TP63: variants seen among roughly 807,000 people sequenced by gnomAD.
The protein encoded by TP63 is tumor protein p63.
A neutral mutation model predicts 82.8 loss-of-function variants in TP63; 17 were observed. That is an observed-to-expected ratio of 0.21 (90% CI 0.14 to 0.31). The LOEUF is 0.31. Ranked by LOEUF, TP63 falls within the 10% of genes least tolerant of loss-of-function variation. TP63 has a pLI of 1.00. For missense variants in TP63, 648 were observed against 895.3 expected (o/e 0.72, Z 3.52); for synonymous variants, 330 against 321.7 (o/e 1.03, Z -0.28).
intron 1 of TP63, among the ~76,000 whole-genome samples, chr3:189,632,143 A>G (rs1389622328): frequency 1.3e-5 from 2 of 152,152 alleles, no homozygotes; most frequent in Non-Finnish European, 2.9e-5. Flanking sequence ...AAGAGAGAAT[A>G]TTAGTGAGGG....
intron 3 of TP63, among the ~76,000 whole-genome samples, chr3:189,797,442 C>G (rs1158468229): frequency 1.3e-5 from 2 of 152,068 alleles, no homozygotes; most frequent in Non-Finnish European, 2.9e-5. Flanking sequence ...ATTTCCCACC[C>G]AGCCAGTGAT....
intron 1 of TP63, among the ~76,000 whole-genome samples, chr3:189,634,201 T>C (rs558061440): frequency 1.2e-4 from 18 of 152,230 alleles, no homozygotes; most frequent in Middle Eastern, 3.4e-3. Flanking sequence ...AATCATTCCA[T>C]AATCATAGTC....
At chr3:189,799,756 TTGTC>T (rs1726087347) in intron 3 of TP63, among the ~76,000 whole-genome samples, 1 of 152,144 alleles carries the variant, frequency 6.6e-6, no homozygotes, top group Non-Finnish European at 1.5e-5. Flanking sequence ...ACTATAACAT[TTGTC>T]TGACAGTAGC....
chr3:189,682,549 AAAAAATATATATAT>A (rs58192413), intron 1 of TP63, among the ~76,000 whole-genome samples: 32 of 30,324 alleles, frequency 1.1e-3, no homozygotes, highest in Middle Eastern at 0.011. Context: ...AAAAAAAAAA[AAAAAATATATATAT>A]ATATATATAT....
intron 4 of TP63, among the ~76,000 whole-genome samples, chr3:189,851,445 G>A (rs574708601): frequency 6.6e-6 from 1 of 152,172 alleles, no homozygotes; most frequent in African/African-American, 2.4e-5. Context: ...CGTAGTGGTG[G>A]GCGCCTGTAA....
chr3:189,896,192 A>G lies in TP63; in HGVS notation c.*1690A>G. On this transcript the variant is annotated 3_prime_UTR_variant, in exon 14 of 14. Transcript: ENST00000264731. ...AGCTTCCATTTTAATTTTAAAGTGC[A>G]AAAGGGCCAGCGTGGCTCTAAAAGG... 4.5e-6 allele frequency: 1 copy of G among 220,224 alleles called. No homozygotes were observed. 13.6% of individuals were successfully genotyped at this position (220,224 alleles called of 1,614,324 possible). A position where few individuals can be genotyped will look rare whatever the true frequency, so the allele number is the denominator to read the frequency against.
At chr3:189,691,385 G>A (rs1242909926) in intron 1 of TP63, among the ~76,000 whole-genome samples, 5 of 148,934 alleles carry the variant, frequency 3.4e-5, no homozygotes, top group African/African-American at 9.8e-5. Context: ...AAAGAAGAAA[G>A]GTAATTGACT....
chr3:189,703,441 T>TAGATAGATAGATAG (rs1304869722), intron 1 of TP63, among the ~76,000 whole-genome samples: 2 of 151,586 alleles, frequency 1.3e-5, no homozygotes, highest in African/African-American at 4.9e-5. Context: ...GATAGATAGA[T>TAGATAGATAGATAG]AGATAGATAG....
At chr3:189,704,566 G>A (rs4450788) in intron 1 of TP63, among the ~76,000 whole-genome samples, 111,897 of 152,114 alleles carry the variant, frequency 0.74, 41,862 homozygotes, top group African/African-American at 0.88. Flanking sequence ...TATGAGAGCA[G>A]TTACTGTGCT....
chr3:189,603,653 A>T, the TP63 span, among the ~76,000 whole-genome samples: 18 of 36,198 alleles, frequency 5.0e-4, no homozygotes, highest in Non-Finnish European at 1.4e-3. Context: ...CCTTCATTAA[A>T]AAAAAAAAAA....
At chr3:189,741,087 C>T (rs1344632802) in intron 3 of TP63, among the ~76,000 whole-genome samples, 1 of 151,632 alleles carries the variant, frequency 6.6e-6, no homozygotes, top group Non-Finnish European at 1.5e-5. Flanking sequence ...GAGGTTTTGC[C>T]AGTGAGGTAA....
At chr3:189,613,932 G>GAAGT in the TP63 span, among the ~76,000 whole-genome samples, 1 of 152,306 alleles carries the variant, frequency 6.6e-6, no homozygotes, top group African/African-American at 2.4e-5. Flanking sequence ...TTGCATCTAG[G>GAAGT]AAGTAACTAG....
intron 3 of TP63, among the ~76,000 whole-genome samples, chr3:189,787,851 T>C (rs1211269887): frequency 6.6e-6 from 1 of 151,336 alleles, no homozygotes; most frequent in East Asian, 1.9e-4. Context: ...AATCCAGTTG[T>C]TGGGGCTGTA....
At chr3:189,880,421 G>T in intron 10 of TP63, 1 of 1,102,780 alleles carries the variant, frequency 9.1e-7, no homozygotes, top group Non-Finnish European at 1.1e-6. Context: ...GGCCATTGGT[G>T]GGTGAGGAAC....
intron 4 of TP63, among the ~76,000 whole-genome samples, chr3:189,843,729 C>G: frequency 6.6e-6 from 1 of 152,138 alleles, no homozygotes; most frequent in East Asian, 1.9e-4. Flanking sequence ...TGGAATGCCT[C>G]ATTTGTGAAT....
the TP63 span, among the ~76,000 whole-genome samples, chr3:189,615,588 A>C: frequency 6.6e-6 from 1 of 152,180 alleles, no homozygotes; most frequent in Non-Finnish European, 1.5e-5. Context: ...TGTGTGATAC[A>C]AAATGTTCAT....
At chr3:189,729,611 A>G (rs749336695) in intron 1 of TP63, among the ~76,000 whole-genome samples, 1 of 152,204 alleles carries the variant, frequency 6.6e-6, no homozygotes, top group Non-Finnish European at 1.5e-5. Context: ...CAATGCTCTA[A>G]ATGAATTTTA....
At chr3:189,684,044 G>T (rs777492921) in intron 1 of TP63, among the ~76,000 whole-genome samples, 2 of 152,134 alleles carry the variant, frequency 1.3e-5, no homozygotes, top group Non-Finnish European at 2.9e-5. Context: ...CATTATGACG[G>T]TAATACAAGG....
At chr3:189,811,222 C>G (rs1224417373) in intron 4 of TP63, among the ~76,000 whole-genome samples, 2 of 152,104 alleles carry the variant, frequency 1.3e-5, no homozygotes, top group African/African-American at 4.8e-5. Flanking sequence ...ATGGAGAAAC[C>G]TACTCTGTTT....
Sources: allele counts gnomAD v4.1 joint callset (sites outside exome capture counted in the v4.1 genomes callset), GRCh38; gene constraint gnomAD v4.1.1; transcripts MANE v1.5; gene names NCBI Gene and HGNC (gene_info 2026-07-23, HGNC 2026-07-21).